POU2F1: variants seen among roughly 807,000 people sequenced by gnomAD.
The protein encoded by POU2F1 is POU domain, class 2, transcription factor 1.
POU2F1 carries 16 observed loss-of-function variants against 84.9 expected under a neutral mutation model. The ratio of observed to expected loss-of-function variants is 0.19; its 90% CI spans 0.13 to 0.29. The LOEUF (loss-of-function observed/expected upper bound fraction) is 0.29. Among genes scored for constraint, POU2F1 ranks in the 10% least tolerant of loss-of-function variants. The pLI is 1.00. For synonymous variants in POU2F1, 368 were observed against 368.3 expected, an observed-to-expected ratio of 1.00 and a Z score of 0.01; for missense variants, 738 against 942.6, an observed-to-expected ratio of 0.78 and a Z score of 2.84.
intron 2 of POU2F1, among the ~76,000 whole-genome samples, chr1:167,344,171 A>AT (rs1658044746): frequency 6.6e-6 from 1 of 152,212 alleles, no homozygotes; most frequent in Non-Finnish European, 1.5e-5. Context: ...TGACTACCAT[A>AT]TTGGCCAGTA....
At chr1:167,360,824 G>A (rs1007658345) in intron 2 of POU2F1, among the ~76,000 whole-genome samples, 1 of 151,994 alleles carries the variant, frequency 6.6e-6, no homozygotes. Context: ...TCCAACCCTC[G>A]CTCATGGAAT....
chr1:167,336,595 G>T (rs1657464033), intron 2 of POU2F1, among the ~76,000 whole-genome samples: 1 of 152,010 alleles, frequency 6.6e-6, no homozygotes, highest in South Asian at 2.1e-4. Context: ...AGTTATAGTT[G>T]CCATCCATTT....
At position 167,426,675 on chromosome 1, in the gene POU2F1, G is replaced by A. The variant is rs1650970969; in HGVS notation, c.*10865G>A. 1 of 152,156 alleles carries A rather than the reference G, an allele frequency of 6.6e-6. No individual in the cohort carries two copies. The highest frequency in any genetic ancestry group is 1.5e-5 in the Non-Finnish European group (1 of 68,010). The allele number at this position is 152,156 out of a possible 1,614,324, so 9.4% of individuals were successfully genotyped here. The stretch of plus-strand genomic sequence containing the variant: ...CACTGTTGTCAAAGGAGGGGCACAA[G>A]GGGAATTGGCCCCCGGCCTCCTAGA... On this transcript the variant is annotated 3_prime_UTR_variant, in exon 16 of 16. Transcript: ENST00000367866.
At chr1:167,303,231 G>T (rs560982035) in intron 1 of POU2F1, among the ~76,000 whole-genome samples, 1 of 151,948 alleles carries the variant, frequency 6.6e-6, no homozygotes, top group African/African-American at 2.4e-5. Flanking sequence ...AGCACCATAC[G>T]ACACATATTC....
intron 2 of POU2F1, among the ~76,000 whole-genome samples, chr1:167,340,268 T>TG (rs962827999): frequency 6.6e-6 from 1 of 151,754 alleles, no homozygotes; most frequent in African/African-American, 2.4e-5. Flanking sequence ...TCAGTAGAGA[T>TG]GGGGTTTCTT....
chr1:167,277,035 A>G (rs988199931), intron 1 of POU2F1, among the ~76,000 whole-genome samples: 2 of 152,194 alleles, frequency 1.3e-5, no homozygotes, highest in South Asian at 2.1e-4. Context: ...TAAGATCATC[A>G]GTGACCTTCA....
At chr1:167,374,659 C>T (rs192628995) in intron 6 of POU2F1, among the ~76,000 whole-genome samples, 8 of 152,242 alleles carry the variant, frequency 5.3e-5, no homozygotes, top group Admixed American at 1.3e-4. Context: ...TGTTGCCACC[C>T]ATGTGTGAGA....
At chr1:167,382,669 T>C (rs147748980) in intron 7 of POU2F1, among the ~76,000 whole-genome samples, 222 of 152,348 alleles carry the variant, frequency 1.5e-3, no homozygotes, top group African/African-American at 4.8e-3. Context: ...TAAACCTGCC[T>C]TTTAAGAAAT....
intron 1 of POU2F1, among the ~76,000 whole-genome samples, chr1:167,298,134 AAC>A (rs1557876404): frequency 5.9e-5 from 9 of 151,666 alleles, no homozygotes; most frequent in African/African-American, 1.5e-4. Context: ...CTCCAAAAAC[AAC>A]AACAACAACA....
At chr1:167,249,285 C>T (rs1650556175) in intron 1 of POU2F1, among the ~76,000 whole-genome samples, 1 of 152,196 alleles carries the variant, frequency 6.6e-6, no homozygotes, top group Non-Finnish European at 1.5e-5. Context: ...CCCTTATCTC[C>T]AGACTTCTTT....
rs778298239 is a variant in POU2F1, at chr1:167,415,783, C to T, written c.2274C>T (p.Thr758=). The T allele has an allele frequency of 6.2e-7, 1 of 1,614,040 alleles. No individual in the cohort carries two copies. Among genetic ancestry groups the T allele is most frequent in the South Asian group, 1.1e-5 (1 of 91,080 alleles). ...CCTCTGCCAGCGGGGCTGCGTCCAC[C>T]ACCACCACCGCCTCCAAGGCACAGT... ...TVASASGAAS[T]TTTASKAQ The change falls in exon 16 of 16, where the codon ACC becomes ACT. Residue 758 remains threonine, a synonymous_variant. Coordinates refer to ENST00000367866, the MANE Select transcript of POU2F1 (RefSeq NM_002697.4).
Position 167,424,692 on chromosome 1 carries a change from A to G in POU2F1, c.*8882A>G, listed in dbSNP as rs554994274. The G allele has an allele frequency of 6.6e-6, 1 of 152,336 alleles. No homozygotes were observed. The highest frequency in any genetic ancestry group is 2.1e-4 in the South Asian group (1 of 4,824). The allele number at this position is 152,336 out of a possible 1,614,324, so 9.4% of individuals were successfully genotyped here. A position where few individuals can be genotyped will look rare whatever the true frequency, so the allele number is the denominator to read the frequency against. On this transcript the variant is annotated 3_prime_UTR_variant, in exon 16 of 16. Transcript: ENST00000367866. The stretch of plus-strand genomic sequence containing the variant: ...CTCTGAATGTCGCTGCTTAAAAGCT[A>G]CTGCAAACTGAGGGCAAATTGCAAT...
intron 7 of POU2F1, 128 bp downstream of exon 7, chr1:167,376,283 T>G: frequency 1.7e-6 from 2 of 1,159,068 alleles, no homozygotes; most frequent in Non-Finnish European, 1.1e-6. Flanking sequence ...TTTATTTGAT[T>G]ATAAACTTTC....
At chr1:167,339,283 A>G (rs1053595137) in intron 2 of POU2F1, among the ~76,000 whole-genome samples, 2 of 152,168 alleles carry the variant, frequency 1.3e-5, no homozygotes, top group Non-Finnish European at 2.9e-5. Context: ...TGGATTTGCA[A>G]AATACCTTTT....
chr1:167,325,265 G>A (rs1231675419), intron 1 of POU2F1, among the ~76,000 whole-genome samples: 1 of 152,146 alleles, frequency 6.6e-6, no homozygotes, highest in African/African-American at 2.4e-5. Flanking sequence ...GAGATTGGCT[G>A]GGGTGAAACC....
intron 2 of POU2F1, among the ~76,000 whole-genome samples, chr1:167,350,946 C>T (rs935994994): frequency 4.6e-5 from 7 of 150,550 alleles, no homozygotes; most frequent in Non-Finnish European, 1.0e-4. Context: ...TGCAGTCAGC[C>T]GAGATCATGC....
chr1:167,266,664 G>C (rs953318221), intron 1 of POU2F1, among the ~76,000 whole-genome samples: 1 of 131,730 alleles, frequency 7.6e-6, no homozygotes, highest in Admixed American at 8.5e-5. Flanking sequence ...TCGCTCTGTT[G>C]CCAGGCTGGG....
At chr1:167,342,733 T>C (rs1571334185) in intron 2 of POU2F1, among the ~76,000 whole-genome samples, 1 of 152,214 alleles carries the variant, frequency 6.6e-6, no homozygotes, top group East Asian at 1.9e-4. Flanking sequence ...ATTATTTTCC[T>C]TTTGAACTTA....
At chr1:167,281,909 C>G (rs1653168703) in intron 1 of POU2F1, among the ~76,000 whole-genome samples, 1 of 152,028 alleles carries the variant, frequency 6.6e-6, no homozygotes. Flanking sequence ...ACACTTTTTC[C>G]TCTACTCATA....
Sources: allele counts gnomAD v4.1 joint callset (sites outside exome capture counted in the v4.1 genomes callset), GRCh38; gene constraint gnomAD v4.1.1; transcripts MANE v1.5; gene names NCBI Gene and HGNC (gene_info 2026-07-23, HGNC 2026-07-21).